DNAH17: variants seen among roughly 807,000 people sequenced by gnomAD.
The protein encoded by DNAH17 is axonemal beta dynein heavy chain 17.
Under a neutral mutation model 485.6 loss-of-function variants are expected in DNAH17, and 376 were observed. That is an observed-to-expected ratio of 0.77 (90% confidence interval 0.71 to 0.84). The LOEUF (loss-of-function observed/expected upper bound fraction) is 0.84. DNAH17 is among the 40% of genes least tolerant of loss of function. DNAH17 has a pLI of 0.00. For missense variants in DNAH17, 6,370 were observed against 5,839.3 expected (o/e 1.09, Z -2.96); for synonymous variants, 3,031 against 2,405.9 (o/e 1.26, Z -7.60).
Position 78,543,570 on chromosome 17 carries a change from G to A in DNAH17, c.2532+287C>T, listed in dbSNP as rs142204980. On this transcript the variant is annotated intron_variant, in intron 17 of 80. Transcript: ENST00000389840. Reference sequence around the variant, plus strand: ...CTCCCAAAGTGCTGGGATTACAGGCGTGAGCCACCGCGCCCGGCCAATTTT... The same window carrying A: ...CTCCCAAAGTGCTGGGATTACAGGCATGAGCCACCGCGCCCGGCCAATTTT... Among the ~76,000 whole-genome samples the A allele has an allele frequency of 2.1e-4, 32 of 152,110 alleles. 1 individual carries two copies. The South Asian group carries it at 5.2e-3, about 25-fold the overall frequency.
chr17:78,481,002 A>G (rs1021695427), intron 48 of DNAH17, among the ~76,000 whole-genome samples: 21 of 151,696 alleles, frequency 1.4e-4, no homozygotes, highest in Non-Finnish European at 2.5e-4. Flanking sequence ...TCGCCGTGTT[A>G]GCCAGGATGG....
Position 78,499,074 on chromosome 17 carries a change from T to A in DNAH17, c.5679A>T (p.Gly1893=). ...GNIYKGLAQT[G]AWGCFDEFNR... is the part of the protein sequence containing the mutation. The stretch of plus-strand genomic sequence containing the variant: ...TAAACTCGTCAAAGCAGCCCCAGGC[T>A]CCCGTCTGGGCCAGGCCCTTGTAGA... The change falls in exon 37 of 81, where the codon GGA becomes GGT. Residue 1893 remains glycine, a synonymous_variant. Coordinates refer to ENST00000389840, the MANE Select transcript of DNAH17 (RefSeq NM_173628.4). 6.2e-7 allele frequency: 1 copy of A among 1,608,648 alleles called. No homozygotes were observed. Among genetic ancestry groups the A allele is most frequent in the Non-Finnish European group, 8.5e-7 (1 of 1,177,552 alleles).
chr17:78,430,019 A>C (rs1271365740), intron 75 of DNAH17, among the ~76,000 whole-genome samples: 2 of 152,164 alleles, frequency 1.3e-5, no homozygotes, highest in African/African-American at 4.8e-5. Flanking sequence ...CCAGGCGACC[A>C]CACGCTTCCC....
In DNAH17 at chr17:78,566,607, T is replaced by C. The variant is rs1185058637; in HGVS notation, c.1569+7A>G. The stretch of plus-strand genomic sequence containing the variant: ...CAGATCTGCCTGCGTCTCCACTGCA[T>C]GCTTACCTTTGCGGAGGACTTGATA... On this transcript the variant is annotated splice_region_variant and intron_variant, in intron 11 of 80. Transcript: ENST00000389840. 4.4e-6 allele frequency: 7 copies of C among 1,592,188 alleles called. No homozygotes were observed. The highest frequency in any genetic ancestry group is 2.3e-5 in the East Asian group (1 of 44,354).
chr17:78,443,832 C>G (rs1183367120), intron 71 of DNAH17, among the ~76,000 whole-genome samples: 2 of 152,188 alleles, frequency 1.3e-5, no homozygotes, highest in Non-Finnish European at 2.9e-5. Context: ...GCCACTGCAC[C>G]TGGCCATCAG....
At chr17:78,556,678 G>C (rs1250179987) in intron 14 of DNAH17, among the ~76,000 whole-genome samples, 1 of 152,064 alleles carries the variant, frequency 6.6e-6, no homozygotes, top group Non-Finnish European at 1.5e-5. Context: ...CCACAGCCAC[G>C]CTCTCCGGGC....
In DNAH17 at chr17:78,499,088, G is replaced by A; in HGVS notation, c.5665C>T (p.Leu1889=). 1 of 1,604,854 alleles carries A rather than the reference G, an allele frequency of 6.2e-7. No homozygotes were observed. The highest frequency in any genetic ancestry group is 8.5e-7 in the Non-Finnish European group (1 of 1,175,908). ...CAGCCCCAGGCTCCCGTCTGGGCCA[G>A]GCCCTTGTAGATATTTCCACAGGAC... ...YKSCGNIYKG[L]AQTGAWGCFD... is the part of the protein sequence containing the mutation. Residue 1889 remains leucine (L), a synonymous_variant, in exon 37 of 81, where the codon CTG becomes TTG. Transcript: ENST00000389840.
At chr17:78,431,810 G>C (rs530283089) in intron 75 of DNAH17, among the ~76,000 whole-genome samples, 1 of 152,228 alleles carries the variant, frequency 6.6e-6, no homozygotes, top group African/African-American at 2.4e-5. Context: ...TGGTACTCGC[G>C]CGGCTTCTCA....
Position 78,560,906 on chromosome 17 carries a change from G to C in DNAH17, c.1865C>G (p.Thr622Ser). ...CATCATCTCGTCATACTTCTGATAG[G>C]TCAGCTTGGCCTCTGCTCCAGACAT... ...PVMSGAEAKL[T>S]YQKYDEMMEL... The change falls in exon 13 of 81, where the codon ACC (threonine) becomes AGC (serine). Residue 622 changes from threonine to serine, a missense_variant. Physicochemically the swap from Thr to Ser is moderately conservative, Grantham distance 58 (BLOSUM62 1). Transcript: ENST00000389840. 6.4e-7 allele frequency: 1 copy of C among 1,550,808 alleles called. No homozygotes were observed. Among genetic ancestry groups the C allele is most frequent in the Non-Finnish European group, 8.7e-7 (1 of 1,147,078 alleles).
chr17:78,458,417 T>A, intron 62 of DNAH17, 148 bp downstream of exon 62: 1 of 669,460 alleles, frequency 1.5e-6, no homozygotes. Context: ...CCAAGTTTTA[T>A]CCTAATTACT....
intron 51 of DNAH17, among the ~76,000 whole-genome samples, chr17:78,477,696 G>A (rs1255812541): frequency 2.0e-5 from 3 of 152,194 alleles, no homozygotes; most frequent in Non-Finnish European, 4.4e-5. Flanking sequence ...CTTTACGTGG[G>A]AGGAGGTGGG....
At chr17:78,544,829 G>T (rs1477855808) in intron 16 of DNAH17, among the ~76,000 whole-genome samples, 3 of 117,692 alleles carry the variant, frequency 2.5e-5, no homozygotes, top group African/African-American at 9.6e-5. Context: ...AAAAAAGGTG[G>T]GGGTGGTGGC....
chr17:78,529,616 C>T lies in DNAH17; in HGVS notation c.3363G>A (p.Gly1121=). ...TKPLKEGDYD[G]LVEVMGHLMK... ...TCAGGTGCCCCATCACCTCCACAAG[C>T]CCATCATAGTCCCCCTCCTTGAGGG... The change falls in exon 22 of 81, where the codon GGG becomes GGA. Residue 1121 remains glycine, a synonymous_variant. Transcript: ENST00000389840. The T allele has an allele frequency of 1.2e-6, 2 of 1,613,966 alleles. No individual in the cohort carries two copies. Among genetic ancestry groups the T allele is most frequent in the Non-Finnish European group, 1.7e-6 (2 of 1,179,888 alleles).
At chr17:78,444,221 T>C (rs1164776038) in intron 71 of DNAH17, among the ~76,000 whole-genome samples, 3 of 152,204 alleles carry the variant, frequency 2.0e-5, no homozygotes, top group Admixed American at 1.3e-4. Context: ...CTTATTCACG[T>C]CCACACTTGA....
chr17:78,526,232 G>A (rs1376121313), intron 24 of DNAH17, among the ~76,000 whole-genome samples: 2 of 152,240 alleles, frequency 1.3e-5, no homozygotes, highest in African/African-American at 4.8e-5. Flanking sequence ...TGCCCGATGT[G>A]GTGGGTCAGG....
rs1171204754 is a variant in DNAH17, at chr17:78,476,811, G to A, written c.7993-78C>T. 2.0e-6 allele frequency: 3 copies of A among 1,509,762 alleles called. No individual in the cohort carries two copies. The East Asian group carries it at 7.2e-5, about 36-fold the overall frequency. The allele number at this position is 1,509,762 out of a possible 1,614,324, so 93.5% of individuals were successfully genotyped here. ...AGAGCTGGACACAGATGACCCTGAGGAGCAGCCCCCTCCCCCGGGGCGAGG... is the reference window on the plus strand; with the variant it reads ...AGAGCTGGACACAGATGACCCTGAGAAGCAGCCCCCTCCCCCGGGGCGAGG... On this transcript the variant is annotated intron_variant, in intron 51 of 80. Transcript: ENST00000389840.
intron 60 of DNAH17, among the ~76,000 whole-genome samples, chr17:78,459,422 G>T (rs1598485044): frequency 6.6e-6 from 1 of 152,310 alleles, no homozygotes; most frequent in Non-Finnish European, 1.5e-5. Flanking sequence ...TCCAAGTCGG[G>T]CACCAGGAGA....
chr17:78,552,084 C>T (rs750729357), intron 15 of DNAH17, among the ~76,000 whole-genome samples: 7 of 152,236 alleles, frequency 4.6e-5, no homozygotes, highest in Non-Finnish European at 8.8e-5. Flanking sequence ...CAGAAGAAAT[C>T]GCTGGGCGTT....
intron 20 of DNAH17, among the ~76,000 whole-genome samples, chr17:78,532,016 C>T (rs557782742): frequency 3.3e-5 from 5 of 152,314 alleles, no homozygotes; most frequent in East Asian, 1.9e-4. Context: ...CCCACACCTC[C>T]GACCATCCCC....
Sources: allele counts gnomAD v4.1 joint callset (sites outside exome capture counted in the v4.1 genomes callset), GRCh38; gene constraint gnomAD v4.1.1; transcripts MANE v1.5; gene names NCBI Gene and HGNC (gene_info 2026-07-23, HGNC 2026-07-21).